The following UCHL3 variants were observed in gnomAD, a reference collection of about 807,000 sequenced individuals.
UCHL3 encodes ubiquitin carboxyl-terminal hydrolase isozyme L3.
UCHL3 carries 22 observed loss-of-function variants against 35.8 expected under a neutral mutation model. The observed-to-expected ratio is 0.61, with a 90% CI of 0.44 to 0.88. The LOEUF (loss-of-function observed/expected upper bound fraction) is 0.88, where lower values mean the gene tolerates loss of function less well. UCHL3 is among the 40% of genes least tolerant of loss of function. UCHL3 has a pLI of 0.00. For missense variants in UCHL3, 229 were observed against 276.9 expected (o/e 0.83, Z 1.23); for synonymous variants, 90 against 92.8 (o/e 0.97, Z 0.17).
intron 7 of UCHL3, 33 bp downstream of exon 7, chr13:75,595,023 A>C (rs1342757824): frequency 1.4e-6 from 2 of 1,471,204 alleles, no homozygotes; most frequent in African/African-American, 2.9e-5. Flanking sequence ...CTGGGGAGAG[A>C]AATGGTAAAT....
At chr13:75,605,069 C>T in intron 8 of UCHL3, 1 of 359,384 alleles carries the variant, frequency 2.8e-6, no homozygotes, top group Non-Finnish European at 4.9e-6. Context: ...AAGACTTGCT[C>T]ATTATATCCG....
rs1005605309 is a variant in UCHL3 at position 75,593,543 on chromosome 13, G to A, written c.475-1372G>A. ...GGAATGGACTGCCTCAAAACCTAGCGGAGGAGCCTCTGGCATTAGAGGGGC... is the reference window on the plus strand; with the variant it reads ...GGAATGGACTGCCTCAAAACCTAGCAGAGGAGCCTCTGGCATTAGAGGGGC... On this transcript the variant is annotated intron_variant, in intron 6 of 8. Coordinates refer to ENST00000377595, the MANE Select transcript of UCHL3 (RefSeq NM_006002.5). Among the ~76,000 whole-genome samples the A allele has an allele frequency of 3.9e-5, 6 of 152,146 alleles. No homozygotes were observed. The East Asian group carries it at 5.8e-4, about 15-fold the overall frequency.
At chr13:75,585,686 A>G (rs1407782432) in intron 6 of UCHL3, among the ~76,000 whole-genome samples, 1 of 152,138 alleles carries the variant, frequency 6.6e-6, no homozygotes, top group African/African-American at 2.4e-5. Flanking sequence ...GATAGCAACT[A>G]TGTACTATAA....
intron 3 of UCHL3, among the ~76,000 whole-genome samples, chr13:75,565,083 T>A (rs1323354764): frequency 6.6e-6 from 1 of 152,246 alleles, no homozygotes; most frequent in Non-Finnish European, 1.5e-5. Context: ...TATTTCTCTC[T>A]GATATTTATG....
chr13:75,577,963 C>T (rs866301684), intron 6 of UCHL3, among the ~76,000 whole-genome samples: 1 of 147,020 alleles, frequency 6.8e-6, no homozygotes, highest in African/African-American at 2.7e-5. Flanking sequence ...CTGCCCAGAA[C>T]CCCCCCATGT....
chr13:75,570,198 G>A (rs2031809826), intron 6 of UCHL3, among the ~76,000 whole-genome samples: 1 of 152,046 alleles, frequency 6.6e-6, no homozygotes, highest in Admixed American at 6.5e-5. Context: ...AGAATTAGAG[G>A]TTTTCTTCTT....
chr13:75,561,267 T>C (rs1451535188), intron 3 of UCHL3, among the ~76,000 whole-genome samples: 2 of 152,182 alleles, frequency 1.3e-5, no homozygotes, highest in African/African-American at 2.4e-5. Context: ...ATTTACAAAG[T>C]TTTTGATAAA....
chr13:75,577,855 C>G (rs1334462008), intron 6 of UCHL3, among the ~76,000 whole-genome samples: 1 of 152,072 alleles, frequency 6.6e-6, no homozygotes, highest in Non-Finnish European at 1.5e-5. Context: ...AAAGTAATTC[C>G]TAAAATTTGT....
chr13:75,569,272 A>G (rs1349269245), intron 5 of UCHL3, 188 bp from the exon 6 acceptor site: 9 of 427,632 alleles, frequency 2.1e-5, no homozygotes, highest in East Asian at 1.8e-4. Flanking sequence ...TACGGGTTAC[A>G]CAGTACAGCA....
At chr13:75,572,595 C>T (rs1034659183) in intron 6 of UCHL3, among the ~76,000 whole-genome samples, 2 of 152,074 alleles carry the variant, frequency 1.3e-5, no homozygotes, top group Non-Finnish European at 2.9e-5. Flanking sequence ...GTTCCTTACA[C>T]ATAAGTACAA....
At chr13:75,583,644 A>G (rs1251164082) in intron 6 of UCHL3, among the ~76,000 whole-genome samples, 2 of 152,200 alleles carry the variant, frequency 1.3e-5, no homozygotes, top group Non-Finnish European at 2.9e-5. Context: ...GCATATATAG[A>G]TACTTGTGTG....
intron 7 of UCHL3, among the ~76,000 whole-genome samples, chr13:75,599,780 T>C (rs1308594296): frequency 6.6e-6 from 1 of 152,174 alleles, no homozygotes; most frequent in Non-Finnish European, 1.5e-5. Context: ...GGCCAGATAA[T>C]AACCCTACAA....
chr13:75,571,257 C>T (rs943946354), intron 6 of UCHL3, among the ~76,000 whole-genome samples: 2 of 152,046 alleles, frequency 1.3e-5, no homozygotes, highest in South Asian at 2.1e-4. Flanking sequence ...TTATTTTTGC[C>T]ATACTTCTCT....
At chr13:75,550,039 G>C (rs1593966732) in intron 2 of UCHL3, 52 bp downstream of exon 2, 1 of 1,613,604 alleles carries the variant, frequency 6.2e-7, no homozygotes. Context: ...TGTCTGCTCG[G>C]TCCGCTTCCC....
chr13:75,575,782 T>C (rs2032001360), intron 6 of UCHL3, among the ~76,000 whole-genome samples: 1 of 152,188 alleles, frequency 6.6e-6, no homozygotes, highest in Admixed American at 6.5e-5. Context: ...GACGTAGTCT[T>C]GCTCTGTCAC....
rs371424841 is a variant in UCHL3, at chr13:75,605,848, T to A, written c.*36T>A. The A allele has an allele frequency of 6.2e-7, 1 of 1,602,616 alleles. No homozygotes were observed. Among genetic ancestry groups the A allele is most frequent in the Non-Finnish European group, 8.5e-7 (1 of 1,173,536 alleles). ...ATGGAAACACCAAAAACTGTATTAT[T>A]TGCAACTAAATTTTCTCTGCCATAC... On this transcript the variant is annotated 3_prime_UTR_variant, in exon 9 of 9. Transcript: ENST00000377595.
intron 6 of UCHL3, among the ~76,000 whole-genome samples, chr13:75,577,930 T>C (rs953956612): frequency 1.3e-5 from 2 of 152,186 alleles, no homozygotes; most frequent in Non-Finnish European, 2.9e-5. Flanking sequence ...TGATTTATTG[T>C]TTAACTTTTT....
chr13:75,592,450 A>ACATATATATATATATGTATATATGTG (rs1228010748), intron 6 of UCHL3, among the ~76,000 whole-genome samples: 1 of 119,012 alleles, frequency 8.4e-6, no homozygotes, highest in Non-Finnish European at 1.8e-5. Context: ...ATATATATAT[A>ACATATATATATATATGTATATATGTG]TATATATATA....
intron 6 of UCHL3, among the ~76,000 whole-genome samples, chr13:75,593,191 G>A (rs1837776318): frequency 6.6e-6 from 1 of 152,090 alleles, no homozygotes; most frequent in African/African-American, 2.4e-5. Context: ...TGAGTAAAAG[G>A]AAGACTCTTT....
Sources: gnomAD v4.1 joint callset for allele counts (sites outside exome capture counted in the v4.1 genomes callset) on GRCh38, gnomAD v4.1.1 for gene constraint, MANE v1.5 for transcripts, NCBI Gene and HGNC (gene_info 2026-07-23, HGNC 2026-07-21) for gene names.